MYH7B: variants seen among roughly 807,000 people sequenced by gnomAD.
The protein encoded by MYH7B is myosin heavy chain 7B, also known as myosin-7B.
Under a neutral mutation model 234.5 loss-of-function variants are expected in MYH7B, and 205 were observed. That is an observed-to-expected ratio of 0.87 (90% CI 0.78 to 0.98). The LOEUF (loss-of-function observed/expected upper bound fraction) is 0.98, where lower values mean the gene tolerates loss of function less well. MYH7B is among the 50% of genes least tolerant of loss of function. The pLI, the probability that MYH7B is intolerant of heterozygous loss-of-function variation, is 0.00. For missense variants in MYH7B, 2,652 were observed against 2,633.4 expected (o/e 1.01, Z -0.15); for synonymous variants, 1,193 against 1,105.0 (o/e 1.08, Z -1.58).
intron 14 of MYH7B, 85 bp from the exon 15 acceptor site, chr20:34,986,801 G>C (rs968469672): frequency 8.6e-7 from 1 of 1,156,436 alleles, no homozygotes; most frequent in Non-Finnish European, 1.3e-6. Context: ...GCTTGCCCCC[G>C]CAGGACCCCC....
At chr20:35,000,351 G>A (rs1215968197) in exon 39 of MYH7B, 1 of 1,598,184 alleles carries the variant, frequency 6.3e-7, no homozygotes, top group Non-Finnish European at 8.5e-7. Flanking sequence ...AGAGACACGG[G>A]CCCGCAATGA....
At chr20:34,992,758 T>G (rs963046627) in intron 24 of MYH7B, among the ~76,000 whole-genome samples, 19 of 152,030 alleles carry the variant, frequency 1.2e-4, no homozygotes, top group African/African-American at 4.3e-4. Flanking sequence ...TTAGTAGAGA[T>G]AGGGTTTCAC....
chr20:34,975,149 G>C (rs1304223501), intron 2 of MYH7B, among the ~76,000 whole-genome samples: 1 of 152,200 alleles, frequency 6.6e-6, no homozygotes. Context: ...TATTATCCTA[G>C]GTGAGGGATG....
At chr20:34,958,914 G>C (rs967302566) in intron 2 of MYH7B, among the ~76,000 whole-genome samples, 1 of 152,206 alleles carries the variant, frequency 6.6e-6, no homozygotes, top group African/African-American at 2.4e-5. Context: ...TGCCTGCCAC[G>C]TGGCAGATGC....
chr20:34,990,267 G>A (rs201578499), exon 22 of MYH7B: 40 of 1,614,180 alleles, frequency 2.5e-5, no homozygotes, highest in East Asian at 4.5e-5. Flanking sequence ...AAAGAGAAGC[G>A]TAAGAAGGCA....
At chr20:34,965,620 G>A (rs2081735138) in intron 2 of MYH7B, among the ~76,000 whole-genome samples, 1 of 152,244 alleles carries the variant, frequency 6.6e-6, no homozygotes, top group Non-Finnish European at 1.5e-5. Flanking sequence ...ACCCATAAGT[G>A]TAATACACTC....
chr20:35,000,544 C>A lies in MYH7B; in HGVS notation c.5033C>A (p.Ala1678Glu), dbSNP rs1340118425. Residue 1678 changes from alanine to glutamate, a missense_variant, in exon 39 of 45, where the codon GCG becomes GAG. Ala to Glu is a moderately radical substitution (Grantham distance 107, BLOSUM62 -1). Transcript: ENST00000262873. ...CTGGCAGCTGAGCTCCACGAGCAGG[C>A]GCAGGCTCTGGAGCGCCGGGCCTCG... The A allele has an allele frequency of 6.3e-7, 1 of 1,585,536 alleles. No homozygotes were observed. The highest frequency in any genetic ancestry group is 8.5e-7 in the Non-Finnish European group (1 of 1,172,166).
rs6060146 is a variant in MYH7B at position 34,995,041 on chromosome 20, G to A, written c.2701-295G>A. ...GCTGCTGCTGCTCACCCTGCCCCTC[G>A]GAAGGCCTCAGCCCAACAGCGGGGC... is the stretch of plus-strand genomic sequence containing the variant. On this transcript the variant is annotated intron_variant, in intron 27 of 44. Transcript: ENST00000262873. Among the ~76,000 whole-genome samples, 795 of 152,292 alleles carry A rather than the reference G, an allele frequency of 5.2e-3. 7 individuals carry two copies. Among genetic ancestry groups the A allele is most frequent in the Middle Eastern group, 0.017 (5 of 294 alleles).
intron 2 of MYH7B, among the ~76,000 whole-genome samples, chr20:34,966,627 G>A (rs571769359): frequency 6.6e-6 from 1 of 152,220 alleles, no homozygotes; most frequent in Non-Finnish European, 1.5e-5. Flanking sequence ...GCACACACAC[G>A]CTCACAACTA....
rs777268862 is a variant in MYH7B, at chr20:34,994,237, C to T, written c.2536C>T (p.Leu846=). 8.7e-6 allele frequency: 14 copies of T among 1,613,074 alleles called. No individual in the cohort carries two copies. In the Admixed American group the frequency reaches 2.3e-4, roughly 27 times the overall value. Reference sequence around the variant, plus strand: ...GAAGCTCTTTTTCAAGATGAAGCCGCTGCTGCGCTCGGCGCAGGCTGAGGA... The same window carrying T: ...GAAGCTCTTTTTCAAGATGAAGCCGTTGCTGCGCTCGGCGCAGGCTGAGGA... The change falls in exon 27 of 45, where the codon CTG becomes TTG. Residue 846 remains leucine, a synonymous_variant. Coordinates refer to ENST00000262873, the Ensembl canonical transcript of MYH7B.
chr20:34,992,647 G>C (rs1480462123), intron 24 of MYH7B, among the ~76,000 whole-genome samples: 5 of 143,764 alleles, frequency 3.5e-5, no homozygotes, highest in Non-Finnish European at 7.5e-5. Flanking sequence ...TGCAACCTCT[G>C]CCTTCTGAGG....
At chr20:34,986,550 G>A (rs886103093) in intron 14 of MYH7B, among the ~76,000 whole-genome samples, 2 of 152,194 alleles carry the variant, frequency 1.3e-5, no homozygotes, top group Admixed American at 6.5e-5. Flanking sequence ...TTCCCTGTGC[G>A]CCAGCATCTA....
intron 24 of MYH7B, 77 bp from the exon 25 acceptor site, chr20:34,993,025 T>A (rs1320703081): frequency 1.3e-6 from 2 of 1,545,468 alleles, no homozygotes; most frequent in Non-Finnish European, 1.8e-6. Context: ...GCCTCCTCAG[T>A]CCCTGACTTC....
Position 34,979,910 on chromosome 20 carries a change from C to T in MYH7B, c.342+106C>T, listed in dbSNP as rs966491110. ...CATAGCGGTGGGGCGGGGCTGTGAGCGGTGGATCGGGGCTGTGAATGATAG... is the reference window on the plus strand; with the variant it reads ...CATAGCGGTGGGGCGGGGCTGTGAGTGGTGGATCGGGGCTGTGAATGATAG... On this transcript the variant is annotated intron_variant, in intron 7 of 44. Transcript: ENST00000262873. 9 of 1,132,330 alleles carry T rather than the reference C, an allele frequency of 7.9e-6. No individual in the cohort carries two copies. The African/African-American group carries it at 8.7e-5, about 11-fold the overall frequency. The allele number at this position is 1,132,330 out of a possible 1,614,324, so 70.1% of individuals were successfully genotyped here.
At chr20:34,993,569 G>T in intron 26 of MYH7B, 99 bp downstream of exon 26, 2 of 1,334,164 alleles carry the variant, frequency 1.5e-6, no homozygotes, top group Non-Finnish European at 2.0e-6. Flanking sequence ...CCTGTAGTCA[G>T]ATCAGCCCCT....
At chr20:34,968,596 A>T (rs1457450931) in intron 2 of MYH7B, among the ~76,000 whole-genome samples, 1 of 152,154 alleles carries the variant, frequency 6.6e-6, no homozygotes, top group Non-Finnish European at 1.5e-5. Context: ...AGCCTTGTCC[A>T]TGGCCCCTGC....
chr20:34,994,353 C>T (rs1176099909), exon 27 of MYH7B: 13 of 1,604,322 alleles, frequency 8.1e-6, no homozygotes, highest in Non-Finnish European at 1.0e-5. Flanking sequence ...AGGAGACGCA[C>T]GTCAGCATCA....
intron 37 of MYH7B, 41 bp from the exon 38 acceptor site, chr20:34,999,750 T>TAC: frequency 7.6e-7 from 1 of 1,320,528 alleles, no homozygotes; most frequent in South Asian, 1.4e-5. Context: ...CCACTGGCCA[T>TAC]CCCCCCCCCC....
rs373214127 is a variant in MYH7B at position 34,956,582 on chromosome 20, A to G, written c.-337+575A>G. ...TCCAGCTTCTAGGGAATTAACCATA[A>G]ATAAGACACAGCCACTGCTTTCAGT... On this transcript the variant is annotated intron_variant, in intron 1 of 44. Coordinates refer to ENST00000262873, the Ensembl canonical transcript of MYH7B. Among the ~76,000 whole-genome samples, 4 of 152,298 alleles carry G rather than the reference A, an allele frequency of 2.6e-5. No homozygotes were observed. In the East Asian group the frequency reaches 5.8e-4, roughly 22 times the overall value.
Sources: allele counts gnomAD v4.1 joint callset (sites outside exome capture counted in the v4.1 genomes callset), GRCh38; gene constraint gnomAD v4.1.1; transcripts MANE v1.5; gene names NCBI Gene and HGNC (gene_info 2026-07-23, HGNC 2026-07-21).